The following HDAC4 variants were observed in gnomAD, a reference collection of about 807,000 sequenced individuals.
The protein encoded by HDAC4 is histone deacetylase A.
Under a neutral mutation model 135.1 loss-of-function variants are expected in HDAC4, and 16 were observed. The observed-to-expected ratio is 0.12, with a 90% confidence interval of 0.08 to 0.18. HDAC4 has a LOEUF of 0.18. Among genes scored for constraint, HDAC4 ranks in the 10% least tolerant of loss-of-function variants. HDAC4 has a pLI of 1.00. For synonymous variants in HDAC4, 685 were observed against 653.4 expected (o/e 1.05, Z -0.74); for missense variants, 1,143 against 1,511.8 (o/e 0.76, Z 4.05).
At chr2:239,276,885 C>T (rs1394082480) in intron 2 of HDAC4, among the ~76,000 whole-genome samples, 1 of 152,334 alleles carries the variant, frequency 6.6e-6, no homozygotes, top group East Asian at 1.9e-4. Context: ...TCTTGCAACA[C>T]TGTCTGTCAC....
chr2:239,055,743 G>T (rs113838112), intron 24 of HDAC4, among the ~76,000 whole-genome samples: 8 of 150,506 alleles, frequency 5.3e-5, no homozygotes, highest in African/African-American at 1.7e-4. Flanking sequence ...AGGTTGAAAT[G>T]GATTATAAAA....
intron 12 of HDAC4, among the ~76,000 whole-genome samples, chr2:239,121,193 A>C (rs866037414): frequency 7.9e-5 from 12 of 151,972 alleles, no homozygotes; most frequent in Admixed American, 2.6e-4. Context: ...TTGAGCCAAA[A>C]CGATCCACCC....
intron 3 of HDAC4, among the ~76,000 whole-genome samples, chr2:239,235,719 G>A (rs1426448495): frequency 6.6e-6 from 1 of 152,238 alleles, no homozygotes; most frequent in East Asian, 1.9e-4. Flanking sequence ...CTGTTTCCAT[G>A]GCCTATAGAC....
chr2:239,130,667 C>G (rs2040513340), intron 11 of HDAC4, among the ~76,000 whole-genome samples: 1 of 152,220 alleles, frequency 6.6e-6, no homozygotes, highest in African/African-American at 2.4e-5. Context: ...CGCCTGCAAG[C>G]TCCTACTGAG....
In HDAC4 at chr2:239,215,144, C is replaced by G. The variant is rs750671307; in HGVS notation, c.94+21449G>C. ...CACCAAGGGAATGACTCAGTGGAAA[C>G]AAGGAGTGGGCCGGAGACAAGCCCT... On this transcript the variant is annotated intron_variant, in intron 3 of 26. Coordinates refer to ENST00000543185, the MANE Select transcript of HDAC4 (RefSeq NM_001378414.1). Among the ~76,000 whole-genome samples the G allele has an allele frequency of 5.0e-4, 76 of 152,206 alleles. 1 individual carries two copies. The highest frequency in any genetic ancestry group is 1.6e-4 in the Non-Finnish European group (11 of 68,048).
intron 1 of HDAC4, among the ~76,000 whole-genome samples, chr2:239,371,026 G>A (rs939739511): frequency 3.9e-5 from 6 of 152,136 alleles, no homozygotes; most frequent in Non-Finnish European, 5.9e-5. Flanking sequence ...ACAGCCTGTC[G>A]CCCCCAGAGT....
intron 1 of HDAC4, among the ~76,000 whole-genome samples, chr2:239,371,325 TCA>T (rs1258516813): frequency 1.3e-5 from 2 of 150,636 alleles, no homozygotes; most frequent in African/African-American, 4.9e-5. Context: ...AACCACAAAC[TCA>T]CAATCATGAA....
intron 7 of HDAC4, among the ~76,000 whole-genome samples, chr2:239,149,533 T>TG (rs1490349898): frequency 6.6e-6 from 1 of 151,972 alleles, no homozygotes; most frequent in East Asian, 1.9e-4. Flanking sequence ...GAAGAACAGG[T>TG]GAACGCACTG....
intron 12 of HDAC4, among the ~76,000 whole-genome samples, chr2:239,119,699 G>A (rs947312825): frequency 5.9e-5 from 9 of 152,180 alleles, no homozygotes; most frequent in African/African-American, 1.2e-4. Flanking sequence ...CTGAGGAGGT[G>A]TTCAGGGCCT....
intron 2 of HDAC4, among the ~76,000 whole-genome samples, chr2:239,295,592 TTTG>T (rs1350505797): frequency 7.2e-5 from 11 of 152,232 alleles, no homozygotes; most frequent in African/African-American, 2.6e-4. Flanking sequence ...TGCACCCTGG[TTTG>T]TTAAAGGAGA....
intron 1 of HDAC4, among the ~76,000 whole-genome samples, chr2:239,370,171 A>T (rs1391677138): frequency 6.6e-6 from 1 of 152,170 alleles, no homozygotes; most frequent in Non-Finnish European, 1.5e-5. Flanking sequence ...CGGGGTCAAA[A>T]CAGAGTTTAA....
intron 1 of HDAC4, among the ~76,000 whole-genome samples, chr2:239,397,053 A>G (rs1696608861): frequency 6.6e-6 from 1 of 152,258 alleles, no homozygotes. Flanking sequence ...ACGCGCCTGT[A>G]ACAGCGCCAA....
rs184168544 is a variant in HDAC4 at position 239,054,966 on chromosome 2, A to C, written c.3004-133T>G. 134 of 717,126 alleles carry C rather than the reference A, an allele frequency of 1.9e-4. No individual in the cohort carries two copies. The African/African-American group carries it at 1.9e-3, about 10-fold the overall frequency. The allele number at this position is 717,126 out of a possible 1,614,324, so 44.4% of individuals were successfully genotyped here. On this transcript the variant is annotated intron_variant, in intron 24 of 26. Transcript: ENST00000543185. ...GGTGCATTTGCCCACAGAGTAGAAA[A>C]AAATAACTTTAAAAAGCCAAATGTG...
At chr2:239,374,129 G>A (rs886632549) in intron 1 of HDAC4, among the ~76,000 whole-genome samples, 1 of 152,218 alleles carries the variant, frequency 6.6e-6, no homozygotes. Context: ...ACCAACGGAT[G>A]CAAAGCAGAG....
intron 1 of HDAC4, among the ~76,000 whole-genome samples, chr2:239,386,626 T>C (rs1246080514): frequency 6.6e-6 from 1 of 152,176 alleles, no homozygotes; most frequent in Non-Finnish European, 1.5e-5. Context: ...AATTTAACAA[T>C]GTAATGCACT....
In HDAC4 at chr2:239,201,255, G is replaced by A. The variant is rs144391312; in HGVS notation, c.95-11178C>T. On this transcript the variant is annotated intron_variant, in intron 3 of 26. Transcript: ENST00000543185. ...CATCAGGGGCTGAAGGAGTGTTATGGGGAGCTCACAGGTCACCCAGGGGGG... is the reference window on the plus strand; with the variant it reads ...CATCAGGGGCTGAAGGAGTGTTATGAGGAGCTCACAGGTCACCCAGGGGGG... Among the ~76,000 whole-genome samples the A allele has an allele frequency of 2.6e-4, 39 of 152,066 alleles. 1 individual carries two copies. The Middle Eastern group carries it at 0.014, about 53-fold the overall frequency.
intron 11 of HDAC4, among the ~76,000 whole-genome samples, chr2:239,131,166 C>T (rs571881945): frequency 9.2e-5 from 14 of 152,320 alleles, no homozygotes; most frequent in South Asian, 2.1e-4. Flanking sequence ...CTGCCCGGAG[C>T]GGTGCGGAAA....
intron 12 of HDAC4, among the ~76,000 whole-genome samples, chr2:239,118,323 C>G (rs976414011): frequency 6.6e-6 from 1 of 152,220 alleles, no homozygotes. Context: ...TTCAGAAAAG[C>G]TTTCAACCTG....
chr2:239,331,811 G>A lies in HDAC4; in HGVS notation c.22+20867C>T, dbSNP rs748138516. ...AGGGAGGTGGAAAGAGGGCACACTC[G>A]GCCCGCGTGTCCTCCAGAGGCTGAG... On this transcript the variant is annotated intron_variant, in intron 2 of 26. Transcript: ENST00000543185. This position sits in a 1 kb window ranked among gnomAD's most constrained non-coding sequence, Gnocchi z 4.5. Among the ~76,000 whole-genome samples, 14 of 152,212 alleles carry A rather than the reference G, an allele frequency of 9.2e-5. No individual in the cohort carries two copies. Among genetic ancestry groups the A allele is most frequent in the African/African-American group, 2.2e-4 (9 of 41,512 alleles).
Sources: gnomAD v4.1 joint callset for allele counts (sites outside exome capture counted in the v4.1 genomes callset) on GRCh38, gnomAD v4.1.1 for gene constraint, Gnocchi (gnomAD v3.1) non-coding constraint, MANE v1.5 for transcripts, NCBI Gene and HGNC (gene_info 2026-07-23, HGNC 2026-07-21) for gene names.